CPO: variants seen among roughly 807,000 people sequenced by gnomAD.
CPO encodes the protein carboxypeptidase O, also known as metallocarboxypeptidase C.
A neutral mutation model predicts 41.2 loss-of-function variants in CPO; 43 were observed. The ratio of observed to expected loss-of-function variants is 1.04; its 90% CI spans 0.82 to 1.35. CPO has a LOEUF of 1.35. CPO is among the 40% of genes most tolerant of loss of function. The pLI is 0.00. For missense variants in CPO, 408 were observed against 451.7 expected (o/e 0.90, Z 0.88); for synonymous variants, 178 against 162.7 (o/e 1.09, Z -0.72).
rs114138043 is a variant in CPO at position 206,959,506 on chromosome 2, G to A, written c.373-125G>A. 1.2e-3 allele frequency: 752 copies of A among 606,426 alleles called. 4 individuals carry two copies. Among genetic ancestry groups the A allele is most frequent in the African/African-American group, 9.7e-3 (524 of 53,808 alleles). The allele number at this position is 606,426 out of a possible 1,614,324, so 37.6% of individuals were successfully genotyped here. A position where few individuals can be genotyped will look rare whatever the true frequency, so the allele number is the denominator to read the frequency against. On this transcript the variant is annotated intron_variant, in intron 4 of 8. Transcript: ENST00000272852. ...CTACTGTAATAAGACACGGAGGAGG[G>A]CTTGGGGACTGGAGGGTGGAGGTGT...
At chr2:206,963,195 C>T (rs948454135) in intron 7 of CPO, among the ~76,000 whole-genome samples, 1 of 152,168 alleles carries the variant, frequency 6.6e-6, no homozygotes, top group Non-Finnish European at 1.5e-5. Context: ...GCTGTGTTTA[C>T]CCAAGCACTG....
intron 3 of CPO, among the ~76,000 whole-genome samples, chr2:206,957,544 A>G (rs1185075511): frequency 6.6e-6 from 1 of 152,288 alleles, no homozygotes; most frequent in East Asian, 1.9e-4. Context: ...GGCCTTCATC[A>G]CCTCAGCTTC....
At chr2:206,953,501 G>A (rs564764774) in intron 2 of CPO, among the ~76,000 whole-genome samples, 2 of 152,360 alleles carry the variant, frequency 1.3e-5, no homozygotes, top group East Asian at 3.9e-4. Context: ...TGATGCAAGA[G>A]GTGGGCTCCT....
chr2:206,957,590 T>C (rs561141835), intron 3 of CPO, among the ~76,000 whole-genome samples: 1 of 152,270 alleles, frequency 6.6e-6, no homozygotes, highest in African/African-American at 2.4e-5. Flanking sequence ...GTCTAGGCTA[T>C]TTACAAATCC....
At position 206,965,013 on chromosome 2, in the gene CPO, G is replaced by A. The variant is rs191202281; in HGVS notation, c.777+2399G>A. On this transcript the variant is annotated intron_variant, in intron 7 of 8. Transcript: ENST00000272852. ...GGCTGTCTGGTTAGAGCCCTGTGCT[G>A]TGGCCAGAGGCTAGAAGGAGCAAGA... Among the ~76,000 whole-genome samples, 74 of 152,326 alleles carry A rather than the reference G, an allele frequency of 4.9e-4. No homozygotes were observed. In the East Asian group the frequency reaches 0.014, roughly 28 times the overall value.
intron 7 of CPO, among the ~76,000 whole-genome samples, chr2:206,965,686 G>C (rs1418620137): frequency 2.0e-5 from 3 of 152,108 alleles, no homozygotes; most frequent in Admixed American, 1.3e-4. Context: ...CATTCTGTGG[G>C]CCTGCCTCTG....
chr2:206,958,505 T>G, intron 4 of CPO, 100 bp downstream of exon 4: 1 of 640,624 alleles, frequency 1.6e-6, no homozygotes, highest in East Asian at 2.7e-5. Context: ...ATGTTAGTGA[T>G]GCAACTCTTT....
Position 206,969,187 on chromosome 2 carries a change from G to T in CPO, c.876G>T (p.Gly292=). ...SSADILYASS[G]SSRDWARDIG... ...TTTCACCTGTAGATGCCTCATCAGG[G>T]TCTTCAAGAGATTGGGCCCGAGACA... The change falls in exon 9 of 9, where the codon GGG becomes GGT. Residue 292 remains glycine (G), a synonymous_variant. Coordinates refer to ENST00000272852, the MANE Select transcript of CPO (RefSeq NM_173077.3). The T allele has an allele frequency of 6.2e-7, 1 of 1,614,102 alleles. No homozygotes were observed. Among genetic ancestry groups the T allele is most frequent in the Non-Finnish European group, 8.5e-7 (1 of 1,179,988 alleles).
intron 8 of CPO, 96 bp from the exon 9 acceptor site, chr2:206,969,078 A>G: frequency 3.1e-6 from 4 of 1,272,880 alleles, no homozygotes; most frequent in East Asian, 2.3e-5. Context: ...GAGCTTCTTT[A>G]TTTTACTAAG....
chr2:206,947,393 A>G (rs1235946831), intron 1 of CPO, among the ~76,000 whole-genome samples: 1 of 152,188 alleles, frequency 6.6e-6, no homozygotes, highest in Non-Finnish European at 1.5e-5. Flanking sequence ...ACCTTCACAA[A>G]TATTAATTCA....
chr2:206,968,179 T>C (rs1693620461), intron 7 of CPO, 84 bp from the exon 8 acceptor site: 6 of 942,506 alleles, frequency 6.4e-6, no homozygotes, highest in Non-Finnish European at 1.0e-5. Flanking sequence ...ACTCTGGAGA[T>C]GAATCTGGAC....
At chr2:206,962,750 CTT>C (rs1282078511) in intron 7 of CPO, 136 bp downstream of exon 7, 1 of 682,796 alleles carries the variant, frequency 1.5e-6, no homozygotes, top group African/African-American at 1.8e-5. Flanking sequence ...CTTTTTCCTG[CTT>C]TTGCACCTTG....
intron 2 of CPO, among the ~76,000 whole-genome samples, chr2:206,953,976 T>C (rs568523323): frequency 6.6e-6 from 1 of 152,302 alleles, no homozygotes; most frequent in South Asian, 2.1e-4. Context: ...CATTTAGCCA[T>C]GGCTGGAGAA....
intron 8 of CPO, among the ~76,000 whole-genome samples, 189 bp from the exon 9 acceptor site, chr2:206,968,985 G>A (rs563616344): frequency 2.6e-4 from 40 of 152,332 alleles, no homozygotes; most frequent in Non-Finnish European, 4.9e-4. Flanking sequence ...CAGAGATACT[G>A]AATAAGACGT....
At chr2:206,957,186 G>C (rs1353687984) in intron 3 of CPO, among the ~76,000 whole-genome samples, 1 of 152,006 alleles carries the variant, frequency 6.6e-6, no homozygotes, top group Non-Finnish European at 1.5e-5. Flanking sequence ...GACCATCCTA[G>C]CTAACACGGT....
At chr2:206,949,335 TA>T in intron 1 of CPO, among the ~76,000 whole-genome samples, 1 of 152,224 alleles carries the variant, frequency 6.6e-6, no homozygotes, top group East Asian at 1.9e-4. Context: ...ATACAAATTT[TA>T]AAGTATTTTT....
At position 206,968,366 on chromosome 2, in the gene CPO, C is replaced by A. The variant is rs371044349; in HGVS notation, c.862+19C>A. The A allele has an allele frequency of 5.7e-4, 823 of 1,433,504 alleles. 2 individuals carry two copies. The highest frequency in any genetic ancestry group is 2.5e-3 in the Middle Eastern group (14 of 5,680). 88.8% of individuals were successfully genotyped at this position (1,433,504 alleles called of 1,614,324 possible). ...ATTTTATGTAAGTATCTTTTTTTGC[C>A]TCTTCAATAGTATCTAAGGCACAAA... On this transcript the variant is annotated intron_variant, in intron 8 of 8. Transcript: ENST00000272852.
intron 1 of CPO, among the ~76,000 whole-genome samples, chr2:206,943,826 G>A (rs1272312383): frequency 6.6e-6 from 1 of 151,242 alleles, no homozygotes; most frequent in Non-Finnish European, 1.5e-5. Context: ...CAGGTTTTTA[G>A]AACAGTTTCT....
At chr2:206,954,266 T>C (rs1693318319) in intron 2 of CPO, among the ~76,000 whole-genome samples, 1 of 152,182 alleles carries the variant, frequency 6.6e-6, no homozygotes, top group Non-Finnish European at 1.5e-5. Context: ...TCCAAAACTT[T>C]ATGCTCTGTC....
Sources: allele counts gnomAD v4.1 joint callset (sites outside exome capture counted in the v4.1 genomes callset), GRCh38; gene constraint gnomAD v4.1.1; transcripts MANE v1.5; gene names NCBI Gene and HGNC (gene_info 2026-07-23, HGNC 2026-07-21).